Variants in KIF13B observed in about 807,000 individuals in gnomAD.
KIF13B encodes kinesin-like protein KIF13B.
KIF13B carries 127 observed loss-of-function variants against 222.0 expected under a neutral mutation model. The observed-to-expected ratio is 0.57, with a 90% CI of 0.50 to 0.66. The LOEUF (loss-of-function observed/expected upper bound fraction) is 0.66. Among genes scored for constraint, KIF13B ranks in the 30% least tolerant of loss-of-function variants. The probability of loss-of-function intolerance (pLI) is 0.00; values close to 1 mark genes in which losing one functional copy is unlikely to be tolerated. For synonymous variants in KIF13B, 976 were observed against 919.0 expected (o/e 1.06, Z -1.12); for missense variants, 2,173 against 2,379.0 (o/e 0.91, Z 1.80).
At chr8:29,245,667 T>C (rs1258101166) in intron 1 of KIF13B, among the ~76,000 whole-genome samples, 1 of 152,144 alleles carries the variant, frequency 6.6e-6, no homozygotes, top group East Asian at 1.9e-4. Context: ...ACATCAGGAA[T>C]GAGACAAGGA....
intron 2 of KIF13B, among the ~76,000 whole-genome samples, chr8:29,204,148 C>G (rs916215564): frequency 6.6e-6 from 1 of 152,090 alleles, no homozygotes; most frequent in Non-Finnish European, 1.5e-5. Context: ...ATCTTCCACC[C>G]ACACAAACAA....
chr8:29,248,468 G>A (rs1816133174), intron 1 of KIF13B, among the ~76,000 whole-genome samples: 1 of 152,210 alleles, frequency 6.6e-6, no homozygotes, highest in South Asian at 2.1e-4. Flanking sequence ...TGACTAGGGA[G>A]GCCTCACAAA....
At chr8:29,239,033 G>A (rs1032893026) in intron 2 of KIF13B, among the ~76,000 whole-genome samples, 2 of 152,144 alleles carry the variant, frequency 1.3e-5, no homozygotes, top group African/African-American at 4.8e-5. Context: ...ATGAGACCCT[G>A]TCTCAAAACA....
At chr8:29,241,208 GATTTC>G (rs1463979233) in intron 2 of KIF13B, among the ~76,000 whole-genome samples, 3 of 152,184 alleles carry the variant, frequency 2.0e-5, no homozygotes, top group Non-Finnish European at 4.4e-5. Flanking sequence ...CATCATGTAT[GATTTC>G]ATTTATAGGA....
chr8:29,249,403 C>T (rs1014709119), intron 1 of KIF13B, among the ~76,000 whole-genome samples: 1 of 147,384 alleles, frequency 6.8e-6, no homozygotes, highest in Admixed American at 6.9e-5. Flanking sequence ...GCACTCCAGC[C>T]TGGGCGACAG....
At chr8:29,080,059 A>G (rs1363259192) in intron 37 of KIF13B, among the ~76,000 whole-genome samples, 1 of 152,172 alleles carries the variant, frequency 6.6e-6, no homozygotes, top group Non-Finnish European at 1.5e-5. Flanking sequence ...CAAATCAGAC[A>G]CATTGTGCAG....
chr8:29,228,472 A>AAAATATATAT lies in KIF13B; in HGVS notation c.149+16873_149+16874insATATATATTT. Among the ~76,000 whole-genome samples, 204 of 117,060 alleles carry AAAATATATAT rather than the reference A, an allele frequency of 1.7e-3. 12 individuals carry two copies. Among genetic ancestry groups the AAAATATATAT allele is most frequent in the African/African-American group, 3.7e-3 (113 of 30,726 alleles). 76.8% of individuals were successfully genotyped at this position (117,060 alleles called of 152,430 possible). On this transcript the variant is annotated intron_variant, in intron 2 of 39. Coordinates refer to ENST00000524189, the MANE Select transcript of KIF13B (RefSeq NM_015254.4). ...ACAGAGCCAGACTCCATCTTAAAAA[A>AAAATATATAT]ATATATATATATATATATGAGATAC...
chr8:29,107,611 G>C (rs1809140025), intron 35 of KIF13B, among the ~76,000 whole-genome samples: 1 of 150,478 alleles, frequency 6.6e-6, no homozygotes, highest in Admixed American at 6.6e-5. Flanking sequence ...CCAGGCTGGA[G>C]TGCAGTGGTG....
chr8:29,126,698 A>G (rs567527538), intron 25 of KIF13B, among the ~76,000 whole-genome samples, 187 bp from the exon 26 acceptor site: 2 of 152,200 alleles, frequency 1.3e-5, no homozygotes, highest in East Asian at 1.9e-4. Flanking sequence ...AGCCGCTCAC[A>G]GAAGAGTGAA....
chr8:29,092,229 C>T (rs911180483), intron 37 of KIF13B, among the ~76,000 whole-genome samples: 2 of 152,162 alleles, frequency 1.3e-5, no homozygotes, highest in East Asian at 1.9e-4. Context: ...AAAACCTTTT[C>T]GCATTTGCTC....
chr8:29,190,847 A>C (rs780256004), intron 4 of KIF13B, 150 bp downstream of exon 4: 1 of 733,126 alleles, frequency 1.4e-6, no homozygotes, highest in Non-Finnish European at 2.5e-6. Context: ...GGTCACATTA[A>C]GTCATCTTCT....
intron 13 of KIF13B, among the ~76,000 whole-genome samples, chr8:29,159,925 G>C (rs778218795): frequency 2.0e-5 from 3 of 152,206 alleles, no homozygotes; most frequent in Admixed American, 6.5e-5. Context: ...TAGTCAGCCT[G>C]TTAGCTTTAC....
rs781126671 is a variant in KIF13B at position 29,142,175 on chromosome 8, C to G, written c.2316G>C (p.Glu772Asp). The change falls in exon 19 of 40, where the codon GAG (glutamate) becomes GAC (aspartate). Residue 772 changes from glutamate (E) to aspartate (D), a missense_variant. Physicochemically the swap from Glu to Asp is conservative, Grantham distance 45. This residue lies in a region of KIF13B where 1,480 missense variants were observed against 1,722.8 expected (regional missense o/e 0.86). Coordinates refer to ENST00000524189, the MANE Select transcript of KIF13B (RefSeq NM_015254.4). Reference protein sequence around the residue: ...DMRDLYQEWKECEEDNPVIRS... With the variant: ...DMRDLYQEWKDCEEDNPVIRS... ...AACTTACTGGGTTATCTTCTTCACA[C>G]TCTTTCCACTCCTGATAAAGGTCTC... 2 of 1,613,548 alleles carry G rather than the reference C, an allele frequency of 1.2e-6. No homozygotes were observed. Among genetic ancestry groups the G allele is most frequent in the South Asian group, 2.2e-5 (2 of 91,066 alleles).
At chr8:29,101,140 T>C (rs1808767887) in intron 35 of KIF13B, among the ~76,000 whole-genome samples, 2 of 152,144 alleles carry the variant, frequency 1.3e-5, no homozygotes, top group Non-Finnish European at 2.9e-5. Context: ...CATACTTGAA[T>C]GTTTTGTTAA....
intron 2 of KIF13B, among the ~76,000 whole-genome samples, chr8:29,227,270 A>G (rs1007147098): frequency 6.6e-6 from 1 of 151,798 alleles, no homozygotes; most frequent in African/African-American, 2.4e-5. Context: ...TTTTATACTA[A>G]CTGCTACAGT....
At chr8:29,184,727 C>T (rs1812858082) in intron 6 of KIF13B, among the ~76,000 whole-genome samples, 1 of 152,134 alleles carries the variant, frequency 6.6e-6, no homozygotes, top group African/African-American at 2.4e-5. Flanking sequence ...GCCATACAAG[C>T]ACTCTGGATT....
intron 2 of KIF13B, among the ~76,000 whole-genome samples, chr8:29,233,660 T>C (rs959257990): frequency 1.3e-5 from 2 of 152,262 alleles, no homozygotes; most frequent in African/African-American, 4.8e-5. Flanking sequence ...TTATAGCTGA[T>C]AGATATTTTT....
chr8:29,107,348 T>A (rs1809121010), intron 35 of KIF13B, among the ~76,000 whole-genome samples: 1 of 151,888 alleles, frequency 6.6e-6, no homozygotes, highest in South Asian at 2.1e-4. Flanking sequence ...GCCAACACGG[T>A]GAAACCCTGT....
chr8:29,109,823 G>GT (rs1397911322), intron 33 of KIF13B, 95 bp downstream of exon 33: 5 of 1,216,602 alleles, frequency 4.1e-6, no homozygotes, highest in Non-Finnish European at 3.5e-6. Flanking sequence ...CTCTTCAAAT[G>GT]TTAGGTGCAA....
Sources: gnomAD v4.1 joint callset for allele counts (sites outside exome capture counted in the v4.1 genomes callset) on GRCh38, gnomAD v4.1.1 for gene constraint, gnomAD v4.1.1 regional missense constraint, MANE v1.5 for transcripts, NCBI Gene and HGNC (gene_info 2026-07-23, HGNC 2026-07-21) for gene names.